TAB2: variants seen among roughly 807,000 people sequenced by gnomAD.
The protein encoded by TAB2 is TGF-beta activated kinase 1 (MAP3K7) binding protein 2.
Under a neutral mutation model 65.0 loss-of-function variants are expected in TAB2, and 3 were observed. That is an observed-to-expected ratio of 0.05 (90% CI 0.02 to 0.12). The LOEUF (loss-of-function observed/expected upper bound fraction) is 0.12. Among genes scored for constraint, TAB2 ranks in the 10% least tolerant of loss-of-function variants. The pLI is 1.00. For synonymous variants in TAB2, 298 were observed against 285.1 expected (o/e 1.05, Z -0.46); for missense variants, 623 against 840.3 (o/e 0.74, Z 3.20).
intron 1 of TAB2, among the ~76,000 whole-genome samples, chr6:149,310,005 T>C (rs1194519894): frequency 2.0e-5 from 3 of 152,174 alleles, no homozygotes; most frequent in Non-Finnish European, 4.4e-5. Context: ...TTTAAACTCA[T>C]TTTGTCAACT....
At chr6:149,401,477 T>C (rs1782409419) in intron 6 of TAB2, among the ~76,000 whole-genome samples, 1 of 151,994 alleles carries the variant, frequency 6.6e-6, no homozygotes, top group Non-Finnish European at 1.5e-5. Flanking sequence ...TATTATGTAA[T>C]GGTAAAAGGA....
At chr6:149,261,571 G>A (rs1778154428) in intron 1 of TAB2, among the ~76,000 whole-genome samples, 1 of 152,186 alleles carries the variant, frequency 6.6e-6, no homozygotes, top group Non-Finnish European at 1.5e-5. Context: ...AAGTGAAAGA[G>A]ATTTTAACCA....
intron 1 of TAB2, among the ~76,000 whole-genome samples, chr6:149,284,479 C>T (rs1778632889): frequency 6.6e-6 from 1 of 152,148 alleles, no homozygotes. Context: ...TGAAGTCAAT[C>T]TTTGTATCCA....
chr6:149,361,151 A>T (rs561464235), intron 1 of TAB2, among the ~76,000 whole-genome samples: 1 of 152,140 alleles, frequency 6.6e-6, no homozygotes, highest in South Asian at 2.1e-4. Flanking sequence ...CAGTGCCCCC[A>T]TGGAGACTCT....
At position 149,252,485 on chromosome 6, in the gene TAB2, G is replaced by C. The variant is rs529939978; in HGVS notation, c.-121+33709G>C. 2.6e-4 allele frequency among the ~76,000 whole-genome samples: 40 copies of C among 152,124 alleles called. 1 individual carries two copies. Among genetic ancestry groups the C allele is most frequent in the Admixed American group, 2.4e-3 (36 of 15,280 alleles). On this transcript the variant is annotated intron_variant, in intron 1 of 1. Coordinates refer to the TAB2 transcript ENST00000606202. ...GGAGTCCTTGAAAGGGGACGTTGTG[G>C]TTGGTGGCCTATGGTAGATTGAGTC...
intron 1 of TAB2, among the ~76,000 whole-genome samples, chr6:149,365,653 A>G (rs571349176): frequency 1.3e-5 from 2 of 152,026 alleles, no homozygotes; most frequent in South Asian, 2.1e-4. Context: ...GTAAATTTAT[A>G]TATTTTACTA....
Position 149,386,431 on chromosome 6 carries a change from G to A in TAB2, c.1603+6913G>A, listed in dbSNP as rs191850717. On this transcript the variant is annotated intron_variant, in intron 3 of 6. Transcript: ENST00000637181. ...CTACAGGAAACCTCATATCCTGTAA[G>A]CTATCACCTCCCTATCCCATTACCC... 1.2e-4 allele frequency among the ~76,000 whole-genome samples: 18 copies of A among 148,872 alleles called. No homozygotes were observed. In the East Asian group the frequency reaches 2.7e-3, roughly 22 times the overall value.
intron 1 of TAB2, among the ~76,000 whole-genome samples, chr6:149,310,313 G>A (rs560926447): frequency 2.0e-5 from 3 of 152,088 alleles, no homozygotes; most frequent in East Asian, 1.9e-4. Flanking sequence ...CTCCAGCTTG[G>A]GTGAGAGTGA....
intron 2 of TAB2, among the ~76,000 whole-genome samples, chr6:149,370,808 G>A (rs1037987516): frequency 1.3e-5 from 2 of 152,014 alleles, no homozygotes; most frequent in Non-Finnish European, 2.9e-5. Flanking sequence ...ACTCACTCCT[G>A]TAATCCCAGC....
At chr6:149,222,896 T>G (rs936672134) in intron 1 of TAB2, among the ~76,000 whole-genome samples, 1 of 152,136 alleles carries the variant, frequency 6.6e-6, no homozygotes, top group Non-Finnish European at 1.5e-5. Flanking sequence ...TCCTAAGTAA[T>G]CCATATCACA....
At chr6:149,241,407 T>G (rs1178307683) in intron 1 of TAB2, among the ~76,000 whole-genome samples, 1 of 150,782 alleles carries the variant, frequency 6.6e-6, no homozygotes, top group African/African-American at 2.5e-5. Context: ...CTGTAAATGA[T>G]TTTTAATGTT....
At chr6:149,287,189 G>GA (rs540619750) in intron 1 of TAB2, among the ~76,000 whole-genome samples, 17 of 152,172 alleles carry the variant, frequency 1.1e-4, no homozygotes, top group Non-Finnish European at 2.4e-4. Context: ...AGTGTATACT[G>GA]AAAAAAGACT....
At chr6:149,254,059 G>GGAAGGAAGGAAGGA (rs1777941371) in intron 1 of TAB2, among the ~76,000 whole-genome samples, 5 of 103,736 alleles carry the variant, frequency 4.8e-5, no homozygotes, top group South Asian at 4.0e-4. Flanking sequence ...GGGAGAGAGG[G>GGAAGGAAGGAAGGA]AGGAAGGAAG....
intron 1 of TAB2, among the ~76,000 whole-genome samples, chr6:149,358,772 A>G (rs1443913161): frequency 1.3e-5 from 2 of 151,350 alleles, no homozygotes; most frequent in East Asian, 1.9e-4. Flanking sequence ...CAAGTCCTCT[A>G]TTAGATGCAG....
chr6:149,252,864 C>T (rs976084023), intron 1 of TAB2, among the ~76,000 whole-genome samples: 16 of 152,166 alleles, frequency 1.1e-4, no homozygotes, highest in Admixed American at 9.8e-4. Flanking sequence ...TGCCCTATTT[C>T]TCTTCCACTC....
chr6:149,334,977 A>T (rs1418325686), intron 1 of TAB2, among the ~76,000 whole-genome samples: 1 of 152,104 alleles, frequency 6.6e-6, no homozygotes, highest in South Asian at 2.1e-4. Context: ...CCAGCATGGT[A>T]TTGTCAGGCT....
chr6:149,404,761 A>G (rs1782606798), intron 6 of TAB2, among the ~76,000 whole-genome samples: 1 of 152,210 alleles, frequency 6.6e-6, no homozygotes, highest in South Asian at 2.1e-4. Flanking sequence ...TACAAAAATA[A>G]ACTCAAAATG....
intron 1 of TAB2, among the ~76,000 whole-genome samples, chr6:149,251,493 A>G (rs1253414440): frequency 6.6e-6 from 1 of 152,194 alleles, no homozygotes; most frequent in Non-Finnish European, 1.5e-5. Flanking sequence ...AGAATTTTGG[A>G]CCCAATCATG....
chr6:149,344,417 T>G (rs894447633), intron 1 of TAB2, among the ~76,000 whole-genome samples: 2 of 152,116 alleles, frequency 1.3e-5, no homozygotes, highest in Non-Finnish European at 2.9e-5. Flanking sequence ...ATCAGCTTTG[T>G]GGAGAAGGTA....
Sources: allele counts gnomAD v4.1 joint callset (sites outside exome capture counted in the v4.1 genomes callset), GRCh38; gene constraint gnomAD v4.1.1; transcripts MANE v1.5; gene names NCBI Gene and HGNC (gene_info 2026-07-23, HGNC 2026-07-21).